Variants in ABHD2 observed in about 807,000 individuals in gnomAD.
ABHD2 encodes monoacylglycerol lipase ABHD2.
In ABHD2, 20 loss-of-function variants were observed where a neutral mutation model predicts 48.1. That is an observed-to-expected ratio of 0.42 (90% CI 0.29 to 0.60). The LOEUF (loss-of-function observed/expected upper bound fraction) is 0.60. Ranked by LOEUF, ABHD2 falls within the 20% of genes least tolerant of loss-of-function variation. The probability of loss-of-function intolerance (pLI) is 0.24; values close to 1 mark genes in which losing one functional copy is unlikely to be tolerated. For synonymous variants in ABHD2, 209 were observed against 214.2 expected (o/e 0.98, Z 0.21); for missense variants, 405 against 550.9 (o/e 0.74, Z 2.65).
chr15:89,158,046 A>G (rs1027567727), intron 5 of ABHD2, among the ~76,000 whole-genome samples: 2 of 151,958 alleles, frequency 1.3e-5, no homozygotes, highest in Non-Finnish European at 1.5e-5. Flanking sequence ...GAAGATGGGG[A>G]GGCATGGCTT....
the ABHD2 span, among the ~76,000 whole-genome samples, chr15:89,054,561 G>A: frequency 3.9e-5 from 6 of 151,932 alleles, no homozygotes; most frequent in Non-Finnish European, 8.8e-5. Context: ...CACGCCTGTA[G>A]TCCCAGCTAC....
Position 89,195,471 on chromosome 15 carries a change from G to C in ABHD2, c.*48G>C. The stretch of plus-strand genomic sequence containing the variant: ...CCAGCAGCCCTCCTCTGGAAGCTGC[G>C]TCCCCTCACCCCCTGTTTCAGGTCT... On this transcript the variant is annotated 3_prime_UTR_variant, in exon 11 of 11. Transcript: ENST00000352732. This position sits in a 1 kb window ranked among gnomAD's most constrained non-coding sequence, Gnocchi z 5.1. The C allele has an allele frequency of 1.3e-6, 2 of 1,575,712 alleles. No homozygotes were observed. The highest frequency in any genetic ancestry group is 1.7e-6 in the Non-Finnish European group (2 of 1,160,530).
chr15:89,121,793 CA>C (rs536263634), intron 3 of ABHD2, among the ~76,000 whole-genome samples: 2 of 152,116 alleles, frequency 1.3e-5, no homozygotes, highest in Non-Finnish European at 2.9e-5. Flanking sequence ...TTCTCAGCAC[CA>C]AAATGCCTCT....
chr15:89,069,839 A>G, the ABHD2 span, among the ~76,000 whole-genome samples: 1 of 151,456 alleles, frequency 6.6e-6, no homozygotes, highest in African/African-American at 2.4e-5. Context: ...ACCACCATGC[A>G]TGGCTAATTT....
chr15:89,128,141 G>T (rs1596091124), intron 3 of ABHD2, among the ~76,000 whole-genome samples: 1 of 152,308 alleles, frequency 6.6e-6, no homozygotes, highest in South Asian at 2.1e-4. Context: ...ACATGTGATT[G>T]ACAGAGTGAG....
chr15:89,107,888 C>T (rs2049811725), intron 1 of ABHD2, among the ~76,000 whole-genome samples: 1 of 152,204 alleles, frequency 6.6e-6, no homozygotes, highest in African/African-American at 2.4e-5. Flanking sequence ...CCCCAGCTGT[C>T]TGTGTCCTCT....
chr15:89,095,720 A>G (rs1334588492), intron 1 of ABHD2, among the ~76,000 whole-genome samples: 1 of 152,174 alleles, frequency 6.6e-6, no homozygotes. Context: ...GTGTAGCACC[A>G]TCACATTCAT....
chr15:89,124,527 C>A (rs1192913039), intron 3 of ABHD2, among the ~76,000 whole-genome samples: 1 of 152,230 alleles, frequency 6.6e-6, no homozygotes, highest in Non-Finnish European at 1.5e-5. Flanking sequence ...TTAATTCCCT[C>A]TTGCTCACAG....
At chr15:89,042,916 C>T in the ABHD2 span, among the ~76,000 whole-genome samples, 2 of 152,118 alleles carry the variant, frequency 1.3e-5, no homozygotes, top group South Asian at 2.1e-4. Context: ...GATCCACCCG[C>T]CTCAACTTCC....
chr15:89,162,966 T>C (rs2050784651), intron 5 of ABHD2, among the ~76,000 whole-genome samples: 1 of 152,184 alleles, frequency 6.6e-6, no homozygotes, highest in Non-Finnish European at 1.5e-5. Context: ...TGACAGTTTG[T>C]GACTGTAAAA....
intron 3 of ABHD2, among the ~76,000 whole-genome samples, chr15:89,148,402 AT>A (rs2050533573): frequency 2.0e-5 from 3 of 152,082 alleles, no homozygotes; most frequent in South Asian, 4.1e-4. Context: ...CAAGATACCC[AT>A]TTTTTTGCCC....
intron 8 of ABHD2, among the ~76,000 whole-genome samples, chr15:89,190,726 T>C (rs2051289738): frequency 6.6e-6 from 1 of 152,230 alleles, no homozygotes; most frequent in South Asian, 2.1e-4. Context: ...AGGAAGGCCC[T>C]GTCTTCAGAT....
intron 1 of ABHD2, among the ~76,000 whole-genome samples, chr15:89,103,538 A>C (rs978756695): frequency 3.3e-5 from 5 of 152,180 alleles, no homozygotes; most frequent in Non-Finnish European, 7.3e-5. Context: ...TGTGTCATTC[A>C]GTTATATCAC....
intron 5 of ABHD2, among the ~76,000 whole-genome samples, chr15:89,165,600 T>G (rs902429750): frequency 6.6e-6 from 1 of 150,460 alleles, no homozygotes; most frequent in Non-Finnish European, 1.5e-5. Flanking sequence ...AAAAAAAAAT[T>G]TTTTTAACTA....
chr15:89,177,073 A>T lies in ABHD2; in HGVS notation c.722+1078A>T, dbSNP rs185500345. On this transcript the variant is annotated intron_variant, in intron 6 of 10. Transcript: ENST00000352732. The surrounding 1 kb of genome is among the most constrained non-coding windows in gnomAD (Gnocchi z 5.6). ...TCCCTATGAGGCTTAAAGCTGGCTG[A>T]AAAAGGTGATCTAAATGTACCCACG... Among the ~76,000 whole-genome samples, 2 of 152,312 alleles carry T rather than the reference A, an allele frequency of 1.3e-5. No homozygotes were observed. The highest frequency in any genetic ancestry group is 3.9e-4 in the East Asian group (2 of 5,186).
rs1377653836 is a variant in ABHD2 at position 89,151,390 on chromosome 15, A to G, written c.195-287A>G. Among the ~76,000 whole-genome samples, 1 of 152,218 alleles carries G rather than the reference A, an allele frequency of 6.6e-6. No homozygotes were observed. Among genetic ancestry groups the G allele is most frequent in the Non-Finnish European group, 1.5e-5 (1 of 68,038 alleles). On this transcript the variant is annotated intron_variant, in intron 3 of 10. Transcript: ENST00000352732. The surrounding 1 kb of genome is among the most constrained non-coding windows in gnomAD (Gnocchi z 4.7). ...ACTTGCTTTCTTTTTATTCTATATT[A>G]TGGAAATAAGCCATGTTGAATTACT...
chr15:89,127,822 C>G (rs1754365623), intron 3 of ABHD2, among the ~76,000 whole-genome samples: 1 of 151,294 alleles, frequency 6.6e-6, no homozygotes, highest in Non-Finnish European at 1.5e-5. Flanking sequence ...CCATACTCAG[C>G]CCCTTCTATA....
At position 89,151,926 on chromosome 15, in the gene ABHD2, G is replaced by A. The variant is rs1430410098; in HGVS notation, c.370+74G>A. ...ACTAGTCAGTGGAGAGCACAGCAGT[G>A]TGAATACTTGTGCCACTGACTCTGC... On this transcript the variant is annotated intron_variant, in intron 4 of 10. Coordinates refer to ENST00000352732, the MANE Select transcript of ABHD2 (RefSeq NM_152924.5). The surrounding 1 kb of genome is among the most constrained non-coding windows in gnomAD (Gnocchi z 4.7). 2.5e-5 allele frequency: 38 copies of A among 1,525,540 alleles called. No homozygotes were observed. The highest frequency in any genetic ancestry group is 3.2e-5 in the Non-Finnish European group (36 of 1,130,454). The allele number at this position is 1,525,540 out of a possible 1,614,324, so 94.5% of individuals were successfully genotyped here. A position where few individuals can be genotyped will look rare whatever the true frequency, so the allele number is the denominator to read the frequency against.
At chr15:89,142,507 T>C (rs527811475) in intron 3 of ABHD2, among the ~76,000 whole-genome samples, 43 of 152,350 alleles carry the variant, frequency 2.8e-4, no homozygotes, top group African/African-American at 9.9e-4. Context: ...AAGATTCCAG[T>C]GGCATTTGCC....
Sources: gnomAD v4.1 joint callset for allele counts (sites outside exome capture counted in the v4.1 genomes callset) on GRCh38, gnomAD v4.1.1 for gene constraint, Gnocchi (gnomAD v3.1) non-coding constraint, MANE v1.5 for transcripts, NCBI Gene and HGNC (gene_info 2026-07-23, HGNC 2026-07-21) for gene names.